Variants in FGF1 observed in about 807,000 individuals in gnomAD.
FGF1 encodes the protein beta-endothelial cell growth factor.
In FGF1, 9 loss-of-function variants were observed where a neutral mutation model predicts 13.4. The observed-to-expected ratio is 0.67, with a 90% CI of 0.40 to 1.17. The LOEUF is 1.17. Among genes scored for constraint, FGF1 ranks in the 50% most tolerant of loss-of-function variants. The probability of loss-of-function intolerance (pLI) is 0.01; values close to 1 mark genes in which losing one functional copy is unlikely to be tolerated. For missense variants in FGF1, 156 were observed against 192.7 expected (o/e 0.81, Z 1.13); for synonymous variants, 93 against 79.0 (o/e 1.18, Z -0.94).
chr5:142,673,662 C>A (rs1771913935), intron 1 of FGF1, among the ~76,000 whole-genome samples: 1 of 152,160 alleles, frequency 6.6e-6, no homozygotes, highest in Non-Finnish European at 1.5e-5. Context: ...CCAGCCTCAG[C>A]CACCATTATC....
At chr5:142,655,045 G>T (rs1375280033) in intron 1 of FGF1, among the ~76,000 whole-genome samples, 1 of 152,226 alleles carries the variant, frequency 6.6e-6, no homozygotes, top group East Asian at 1.9e-4. Flanking sequence ...TTTCGTTTAT[G>T]CTGCTTCCTC....
chr5:142,617,770 G>A (rs1250974923), intron 1 of FGF1, among the ~76,000 whole-genome samples: 2 of 152,116 alleles, frequency 1.3e-5, no homozygotes, highest in Admixed American at 1.3e-4. Flanking sequence ...TGTTGCTAAA[G>A]GAAACCCCAG....
intron 1 of FGF1, among the ~76,000 whole-genome samples, chr5:142,667,979 G>A (rs533963558): frequency 2.3e-4 from 35 of 152,280 alleles, no homozygotes; most frequent in African/African-American, 7.5e-4. Flanking sequence ...CTTCCTGCCC[G>A]CCAGCCCACC....
At chr5:142,640,194 C>G (rs1405650266) in intron 1 of FGF1, among the ~76,000 whole-genome samples, 1 of 151,932 alleles carries the variant, frequency 6.6e-6, no homozygotes, top group Non-Finnish European at 1.5e-5. Flanking sequence ...TTAATTCGTT[C>G]AACAAATATG....
At chr5:142,602,455 G>A (rs1756778659) in intron 2 of FGF1, among the ~76,000 whole-genome samples, 1 of 152,136 alleles carries the variant, frequency 6.6e-6, no homozygotes, top group Non-Finnish European at 1.5e-5. Flanking sequence ...GATTACAGGT[G>A]TGAGCCACTG....
At chr5:142,656,279 C>A (rs1228268754) in intron 1 of FGF1, among the ~76,000 whole-genome samples, 1 of 150,988 alleles carries the variant, frequency 6.6e-6, no homozygotes, top group African/African-American at 2.5e-5. Flanking sequence ...TTATTTCTAC[C>A]TGGTCCATCT....
chr5:142,691,797 G>A (rs981393084), intron 2 of FGF1, among the ~76,000 whole-genome samples: 8 of 152,226 alleles, frequency 5.3e-5, no homozygotes, highest in Admixed American at 5.2e-4. Flanking sequence ...CAGTCTTGAC[G>A]ATGCCTGGCA....
chr5:142,697,518 A>G (rs1037591289), intron 2 of FGF1: 2 of 152,528 alleles, frequency 1.3e-5, no homozygotes, highest in Non-Finnish European at 2.9e-5. Flanking sequence ...AGGGAGGAGA[A>G]CAGGAAGGCG....
chr5:142,595,524 A>G, intron 3 of FGF1, 40 bp from the exon 4 acceptor site: 1 of 1,560,878 alleles, frequency 6.4e-7, no homozygotes. Context: ...ACAATCAGTG[A>G]GTAGTTTCAC....
chr5:142,651,351 T>C (rs958798723), intron 1 of FGF1, among the ~76,000 whole-genome samples: 4 of 152,158 alleles, frequency 2.6e-5, no homozygotes, highest in African/African-American at 9.7e-5. Context: ...ATTCATAGTC[T>C]TTATTGTTTG....
chr5:142,687,637 A>G (rs538331720), upstream of FGF1, among the ~76,000 whole-genome samples: 13 of 152,366 alleles, frequency 8.5e-5, no homozygotes, highest in African/African-American at 3.1e-4. Flanking sequence ...ATGGTTTTCC[A>G]AGTATTAAAG....
At chr5:142,596,605 T>G (rs989438305) in intron 3 of FGF1, among the ~76,000 whole-genome samples, 9 of 151,298 alleles carry the variant, frequency 5.9e-5, no homozygotes, top group African/African-American at 2.2e-4. Context: ...ATTAGCTAGG[T>G]GCCATGGTGT....
chr5:142,602,885 C>T (rs569150755), intron 2 of FGF1, among the ~76,000 whole-genome samples: 1 of 152,264 alleles, frequency 6.6e-6, no homozygotes, highest in Admixed American at 6.5e-5. Flanking sequence ...TCTTTGCCTT[C>T]CTTATCTCCT....
At chr5:142,689,700 T>TG (rs1329353672), upstream of FGF1, among the ~76,000 whole-genome samples, 2 of 147,784 alleles carry the variant, frequency 1.4e-5, no homozygotes, top group African/African-American at 2.5e-5. Context: ...CCTAGTTTTT[T>TG]TTTTTTTTTT....
In FGF1 at chr5:142,593,148, T is replaced by C. The variant is rs4912868; in HGVS notation, c.*2142A>G. On this transcript the variant is annotated 3_prime_UTR_variant, in exon 4 of 4. Coordinates refer to ENST00000337706, the MANE Select transcript of FGF1 (RefSeq NM_000800.5). ...ACAAGTTAGCAATGGTATTTAATTT[T>C]CCTTGGCCAATGTTATGCTTGAGTT... 0.23 allele frequency: 34,621 copies of C among 152,178 alleles called. 5,001 individuals carry two copies. Among genetic ancestry groups the C allele is most frequent in the Admixed American group, 0.34 (5,202 of 15,286 alleles). The allele number at this position is 152,178 out of a possible 1,614,324, so 9.4% of individuals were successfully genotyped here. A position where few individuals can be genotyped will look rare whatever the true frequency, so the allele number is the denominator to read the frequency against.
chr5:142,652,914 T>C (rs1334038037), intron 1 of FGF1, among the ~76,000 whole-genome samples: 1 of 152,220 alleles, frequency 6.6e-6, no homozygotes, highest in Non-Finnish European at 1.5e-5. Context: ...CAAAAATGGG[T>C]TCACATCAAA....
At position 142,634,489 on chromosome 5, in the gene FGF1, G is replaced by T. The variant is rs563297141; in HGVS notation, c.-34-20328C>A. ...TAAAATAAGAGACAGCCTAGATTCA[G>T]GGTAAGAACCATGGCTGGAATTCAG... On this transcript the variant is annotated intron_variant, in intron 1 of 3. Transcript: ENST00000337706. 9.2e-5 allele frequency among the ~76,000 whole-genome samples: 14 copies of T among 152,334 alleles called. No homozygotes were observed. The South Asian group carries it at 2.9e-3, about 32-fold the overall frequency.
Position 142,663,258 on chromosome 5 carries a change from A to AAAG in FGF1, c.-35+22698_-35+22699insCTT, listed in dbSNP as rs1256386069. On this transcript the variant is annotated intron_variant, in intron 1 of 3. Transcript: ENST00000337706. ...CAGGTTAATCAGGAAAGAAAAAAAA[A>AAAG]AAAAAGAAAAAAGATAATGAGCTTT... Among the ~76,000 whole-genome samples the AAAG allele has an allele frequency of 1.6e-3, 248 of 152,184 alleles. 3 individuals are homozygous for AAAG. Among genetic ancestry groups the AAAG allele is most frequent in the African/African-American group, 5.9e-3 (245 of 41,498 alleles).
intron 1 of FGF1, among the ~76,000 whole-genome samples, chr5:142,632,361 GTGT>G: frequency 6.6e-6 from 1 of 152,282 alleles, no homozygotes; most frequent in Non-Finnish European, 1.5e-5. Context: ...TCTCTCTGCA[GTGT>G]TGTTCAAAGA....
Sources: allele counts gnomAD v4.1 joint callset (sites outside exome capture counted in the v4.1 genomes callset), GRCh38; gene constraint gnomAD v4.1.1; transcripts MANE v1.5; gene names NCBI Gene and HGNC (gene_info 2026-07-23, HGNC 2026-07-21).